The following GAREM1 variants were observed in gnomAD, a reference collection of about 807,000 sequenced individuals.
The protein encoded by GAREM1 is GRB2-associated and regulator of MAPK protein 1.
GAREM1 carries 26 observed loss-of-function variants against 71.3 expected under a neutral mutation model. That is an observed-to-expected ratio of 0.36 (90% CI 0.27 to 0.51). The LOEUF is 0.51. Ranked by LOEUF, GAREM1 falls within the 20% of genes least tolerant of loss-of-function variation. GAREM1 has a pLI of 0.95. For missense variants in GAREM1, 1,026 were observed against 1,103.1 expected, an observed-to-expected ratio of 0.93 and a Z score of 0.99; for synonymous variants, 440 against 433.2, an observed-to-expected ratio of 1.02 and a Z score of -0.20.
At chr18:32,466,429 A>G (rs537721464) in intron 1 of GAREM1, among the ~76,000 whole-genome samples, 12 of 152,332 alleles carry the variant, frequency 7.9e-5, no homozygotes, top group African/African-American at 2.9e-4. Flanking sequence ...ACTTTAAAAT[A>G]TGAATAGTTA....
chr18:32,364,875 GACACACACAC>G (rs35309414), intron 2 of GAREM1, among the ~76,000 whole-genome samples: 8 of 144,578 alleles, frequency 5.5e-5, no homozygotes, highest in South Asian at 2.2e-4. Flanking sequence ...TAAGAGCACA[GACACACACAC>G]ACACACACAC....
At chr18:32,468,567 T>C (rs1453514909) in intron 1 of GAREM1, among the ~76,000 whole-genome samples, 3 of 152,222 alleles carry the variant, frequency 2.0e-5, no homozygotes, top group Non-Finnish European at 2.9e-5. Context: ...GTCCTCATTT[T>C]AGAAAGAAGT....
intron 1 of GAREM1, 142 bp from the exon 2 acceptor site, chr18:32,393,177 ATTGT>A (rs1382332855): frequency 9.2e-6 from 6 of 651,876 alleles, no homozygotes; most frequent in Non-Finnish European, 1.4e-5. Flanking sequence ...TTACCTCTGA[ATTGT>A]TTTTTTTTTT....
At chr18:32,424,994 G>C (rs746805768) in intron 1 of GAREM1, among the ~76,000 whole-genome samples, 1 of 152,088 alleles carries the variant, frequency 6.6e-6, no homozygotes, top group Non-Finnish European at 1.5e-5. Context: ...CAAGAAAAAG[G>C]CACTTAAAAT....
intron 4 of GAREM1, among the ~76,000 whole-genome samples, chr18:32,273,308 T>C (rs771771324): frequency 3.3e-5 from 5 of 152,204 alleles, no homozygotes; most frequent in Non-Finnish European, 7.3e-5. Context: ...TCAATTATAA[T>C]ATGCTCAGAT....
intron 4 of GAREM1, among the ~76,000 whole-genome samples, chr18:32,285,217 G>C (rs1376031793): frequency 6.6e-6 from 1 of 152,204 alleles, no homozygotes; most frequent in Non-Finnish European, 1.5e-5. Flanking sequence ...AGAGGATCCT[G>C]TAAGGATCAA....
chr18:32,330,982 G>A (rs1221646963), intron 2 of GAREM1, among the ~76,000 whole-genome samples: 1 of 152,112 alleles, frequency 6.6e-6, no homozygotes, highest in Non-Finnish European at 1.5e-5. Context: ...GACATGCTCT[G>A]ACATAAGTAC....
intron 2 of GAREM1, among the ~76,000 whole-genome samples, chr18:32,320,977 A>C (rs931553267): frequency 6.6e-6 from 1 of 152,190 alleles, no homozygotes; most frequent in African/African-American, 2.4e-5. Flanking sequence ...CTCTTAGTCC[A>C]GAGCACTCAC....
At position 32,287,441 on chromosome 18, in the gene GAREM1, G is replaced by A; in HGVS notation, c.1156C>T (p.Leu386Phe). Residue 386 changes from leucine to phenylalanine, a missense_variant, in exon 4 of 6, where the codon CTC (leucine) becomes TTC (phenylalanine). Leu to Phe is a conservative substitution (Grantham distance 22). Around this residue, in one of 3 missense-constraint regions of GAREM1, gnomAD observed 636 missense variants for 631.2 expected, o/e 1.01. Coordinates refer to ENST00000269209, the MANE Select transcript of GAREM1 (RefSeq NM_001242409.2). This position sits in a 1 kb window ranked among gnomAD's most constrained non-coding sequence, Gnocchi z 5.9. ...RDELTQSFHRLSVCVYGNNLH... is the reference protein window; with the variant it reads ...RDELTQSFHRFSVCVYGNNLH... The stretch of plus-strand genomic sequence containing the variant: ...TTGTTGCCATACACACAGACCGAGA[G>A]TCGGTGGAAGGACTGGGTGAGCTCA... The A allele has an allele frequency of 6.2e-7, 1 of 1,614,224 alleles. No homozygotes were observed.
At chr18:32,286,894 G>A (rs767243286) in intron 4 of GAREM1, 137 bp downstream of exon 4, 87 of 652,062 alleles carry the variant, frequency 1.3e-4, no homozygotes, top group Admixed American at 7.2e-4. Context: ...AAGCTAGCAT[G>A]TGTATCTCAC....
intron 1 of GAREM1, among the ~76,000 whole-genome samples, chr18:32,404,151 A>T (rs774406434): frequency 5.3e-5 from 8 of 152,226 alleles, no homozygotes; most frequent in Non-Finnish European, 1.0e-4. Context: ...GAATCATTGC[A>T]TAACTATAGT....
At chr18:32,271,203 T>A (rs1283165483) in intron 4 of GAREM1, among the ~76,000 whole-genome samples, 1 of 152,100 alleles carries the variant, frequency 6.6e-6, no homozygotes, top group East Asian at 1.9e-4. Context: ...TTATTTTTTT[T>A]ATTTTTCAAG....
At chr18:32,442,512 G>A (rs2048748443) in intron 1 of GAREM1, among the ~76,000 whole-genome samples, 1 of 152,036 alleles carries the variant, frequency 6.6e-6, no homozygotes, top group South Asian at 2.1e-4. Context: ...GCATACTAAA[G>A]GATGAAAAAA....
chr18:32,341,719 A>C (rs1184808063), intron 2 of GAREM1, among the ~76,000 whole-genome samples: 1 of 152,164 alleles, frequency 6.6e-6, no homozygotes, highest in Non-Finnish European at 1.5e-5. Flanking sequence ...TCTGGTTCCC[A>C]AGTGGAGAAT....
intron 4 of GAREM1, among the ~76,000 whole-genome samples, chr18:32,279,803 C>T (rs1035215980): frequency 2.6e-5 from 4 of 151,992 alleles, no homozygotes; most frequent in South Asian, 4.1e-4. Context: ...ATATTATATC[C>T]TTATTATCAT....
At chr18:32,355,585 A>G (rs898486079) in intron 2 of GAREM1, among the ~76,000 whole-genome samples, 5 of 152,174 alleles carry the variant, frequency 3.3e-5, no homozygotes, top group African/African-American at 1.2e-4. Flanking sequence ...AGTTTATTTC[A>G]TTTTTATCTT....
rs546247307 is a variant in GAREM1 at position 32,459,874 on chromosome 18, G to A, written c.121+10434C>T. ...CATCTGCACAGACAGCTGTCCTGGGGTTATTCAAGTGGGCCTTCTCAGGTA... is the reference window on the plus strand; with the variant it reads ...CATCTGCACAGACAGCTGTCCTGGGATTATTCAAGTGGGCCTTCTCAGGTA... On this transcript the variant is annotated intron_variant, in intron 1 of 5. Coordinates refer to ENST00000269209, the MANE Select transcript of GAREM1 (RefSeq NM_001242409.2). 3.3e-5 allele frequency among the ~76,000 whole-genome samples: 5 copies of A among 152,170 alleles called. No individual in the cohort carries two copies. The East Asian group carries it at 9.7e-4, about 29-fold the overall frequency.
At chr18:32,450,018 C>A (rs1323349154) in intron 1 of GAREM1, among the ~76,000 whole-genome samples, 1 of 152,072 alleles carries the variant, frequency 6.6e-6, no homozygotes, top group Non-Finnish European at 1.5e-5. Flanking sequence ...AGAACACTAG[C>A]CAATGGGAAA....
intron 2 of GAREM1, among the ~76,000 whole-genome samples, chr18:32,382,824 G>GCA (rs2048110398): frequency 6.6e-6 from 1 of 152,142 alleles, no homozygotes; most frequent in Admixed American, 6.5e-5. Context: ...TAATTACTCT[G>GCA]TGGGTCAGGA....
Sources: allele counts gnomAD v4.1 joint callset (sites outside exome capture counted in the v4.1 genomes callset), GRCh38; gene constraint gnomAD v4.1.1; regional missense constraint gnomAD v4.1.1; non-coding constraint Gnocchi (gnomAD v3.1); transcripts MANE v1.5; gene names NCBI Gene and HGNC (gene_info 2026-07-23, HGNC 2026-07-21).